The following NIPSNAP3B variants were observed in gnomAD, a reference collection of about 807,000 sequenced individuals.
NIPSNAP3B encodes protein NipSnap homolog 3B.
Under a neutral mutation model 31.5 loss-of-function variants are expected in NIPSNAP3B, and 30 were observed. That is an observed-to-expected ratio of 0.95 (90% confidence interval 0.71 to 1.29). NIPSNAP3B has a LOEUF of 1.29. Ranked by LOEUF, NIPSNAP3B falls within the 50% of genes most tolerant of loss-of-function variation. The pLI is 0.00. For missense variants in NIPSNAP3B, 269 were observed against 300.7 expected, an observed-to-expected ratio of 0.89 and a Z score of 0.78; for synonymous variants, 106 against 107.9, an observed-to-expected ratio of 0.98 and a Z score of 0.11.
At chr9:104,788,351 C>T in the NIPSNAP3B span, 3,273 of 1,598,568 alleles carry the variant, frequency 2.0e-3, 42 homozygotes, top group African/African-American at 0.029. Flanking sequence ...GAAGTCAATG[C>T]GTGTGGAAAA....
intron 4 of NIPSNAP3B, among the ~76,000 whole-genome samples, chr9:104,771,536 A>G (rs1588168793): frequency 1.3e-5 from 2 of 152,324 alleles, no homozygotes; most frequent in South Asian, 2.1e-4. Context: ...TGTTCCCACA[A>G]AAGTTATAAT....
At chr9:104,764,860 T>C (rs547794521) in intron 1 of NIPSNAP3B, among the ~76,000 whole-genome samples, 34 of 152,306 alleles carry the variant, frequency 2.2e-4, no homozygotes, top group Middle Eastern at 6.8e-3. Context: ...GCCAGCTGTT[T>C]CTAGCCTAAA....
chr9:104,786,206 C>CT, the NIPSNAP3B span: 2 of 1,112,108 alleles, frequency 1.8e-6, no homozygotes, highest in Non-Finnish European at 2.7e-6. Context: ...TTTTATTTCC[C>CT]TTTATGTTAG....
At chr9:104,787,175 G>T in the NIPSNAP3B span, among the ~76,000 whole-genome samples, 1,113 of 152,204 alleles carry the variant, frequency 7.3e-3, 16 homozygotes, top group African/African-American at 0.025. Context: ...TCTTATTGAT[G>T]CAGGAAACTC....
At position 104,766,442 on chromosome 9, in the gene NIPSNAP3B, A is replaced by G; in HGVS notation, c.178A>G (p.Ile60Val). The G allele has an allele frequency of 3.1e-6, 5 of 1,613,852 alleles. No homozygotes were observed. The highest frequency in any genetic ancestry group is 1.7e-4 in the Middle Eastern group (1 of 6,056). The part of the protein sequence containing the change: ...NAFMENLKKN[I>V]HLRTSYSELV... ...GTTCATGGAAAATCTTAAGAAAAAC[A>G]TTCATCTTCGGACCTCTTACTCTGA... The change falls in exon 2 of 6, where the codon ATT becomes GTT. Residue 60 changes from isoleucine (I) to valine (V), a missense_variant. Ile to Val is a conservative substitution (Grantham distance 29, BLOSUM62 3). Transcript: ENST00000374762.
the NIPSNAP3B span, chr9:104,787,012 G>A: frequency 1.5e-5 from 24 of 1,557,438 alleles, no homozygotes; most frequent in South Asian, 2.0e-4. Context: ...ATTTGCTGGG[G>A]GGAAAAAAAA....
chr9:104,773,110 C>A lies in NIPSNAP3B; in HGVS notation c.*37C>A, dbSNP rs1248456840. The A allele has an allele frequency of 1.9e-6, 3 of 1,585,354 alleles. No individual in the cohort carries two copies. Among genetic ancestry groups the A allele is most frequent in the Admixed American group, 1.7e-5 (1 of 59,820 alleles). Reference sequence around the variant, plus strand: ...AATACAAAACATTTCATTAACTGCTCTAAGATGTGTCTGCTAATGGTGCTT... The same window carrying A: ...AATACAAAACATTTCATTAACTGCTATAAGATGTGTCTGCTAATGGTGCTT... On this transcript the variant is annotated 3_prime_UTR_variant, in exon 6 of 6. Coordinates refer to ENST00000374762, the MANE Select transcript of NIPSNAP3B (RefSeq NM_018376.4).
chr9:104,785,451 C>T, the NIPSNAP3B span: 1 of 1,514,310 alleles, frequency 6.6e-7, no homozygotes, highest in Non-Finnish European at 9.0e-7. Flanking sequence ...TCGCTTTTTG[C>T]TCTGGGAGAG....
At chr9:104,783,577 C>T in the NIPSNAP3B span, 1 of 152,176 alleles carries the variant, frequency 6.6e-6, no homozygotes, top group Non-Finnish European at 1.5e-5. Flanking sequence ...ACCCATGGCT[C>T]GAAGCATAGG....
intron 4 of NIPSNAP3B, among the ~76,000 whole-genome samples, chr9:104,772,142 G>A (rs568991381): frequency 4.7e-5 from 7 of 149,112 alleles, no homozygotes; most frequent in Non-Finnish European, 3.0e-5. Flanking sequence ...TGTCAGATGC[G>A]TAGTTTGCAA....
chr9:104,790,065 C>A, the NIPSNAP3B span, among the ~76,000 whole-genome samples: 1 of 150,566 alleles, frequency 6.6e-6, no homozygotes, highest in African/African-American at 2.5e-5. Context: ...CATTGCTCTC[C>A]AGCCTGGGCA....
rs1010881280 is a variant in NIPSNAP3B at position 104,764,316 on chromosome 9, G to A, written c.60+16G>A. The stretch of plus-strand genomic sequence containing the variant: ...CGCGCCTCAGGTACTGGCCGCGGGG[G>A]CGCGCCCGAGCCCTGGCCGGAGGGG... On this transcript the variant is annotated intron_variant, in intron 1 of 5. Coordinates refer to ENST00000374762, the MANE Select transcript of NIPSNAP3B (RefSeq NM_018376.4). 28 of 1,569,054 alleles carry A rather than the reference G, an allele frequency of 1.8e-5. 1 individual carries two copies. The highest frequency in any genetic ancestry group is 1.8e-4 in the African/African-American group (13 of 73,708).
At chr9:104,772,675 C>G (rs1173352544) in intron 4 of NIPSNAP3B, 147 bp from the exon 5 acceptor site, 4 of 939,330 alleles carry the variant, frequency 4.3e-6, no homozygotes, top group Non-Finnish European at 6.5e-6. Context: ...AATTTCTGAT[C>G]CCTCTGAAAT....
the NIPSNAP3B span, chr9:104,787,996 C>T: frequency 2.5e-6 from 4 of 1,614,166 alleles, no homozygotes; most frequent in Non-Finnish European, 2.5e-6. Flanking sequence ...ACTATAGTTA[C>T]CAGCATATTT....
At chr9:104,786,867 A>T in the NIPSNAP3B span, 1 of 1,610,714 alleles carries the variant, frequency 6.2e-7, no homozygotes, top group Non-Finnish European at 8.5e-7. Flanking sequence ...AGACTTTACT[A>T]CGGACCTATG....
chr9:104,782,973 C>A, the NIPSNAP3B span: 1 of 152,598 alleles, frequency 6.6e-6, no homozygotes, highest in South Asian at 2.1e-4. Context: ...GACTTAATAT[C>A]TCTCTAGTCT....
In NIPSNAP3B at chr9:104,773,521, T is replaced by G. The variant is rs1384806194; in HGVS notation, c.*448T>G. The G allele has an allele frequency of 6.5e-6, 1 of 153,228 alleles. No individual in the cohort carries two copies. Among genetic ancestry groups the G allele is most frequent in the African/African-American group, 2.4e-5 (1 of 41,478 alleles). 9.5% of individuals were successfully genotyped at this position (153,228 alleles called of 1,614,324 possible). A position where few individuals can be genotyped will look rare whatever the true frequency, so the allele number is the denominator to read the frequency against. Reference sequence around the variant, plus strand: ...AAAATTTGCTTAGTAAAGGTTATTTTGTGATATAAAATGGGATTTATAAAA... The same window carrying G: ...AAAATTTGCTTAGTAAAGGTTATTTGGTGATATAAAATGGGATTTATAAAA... On this transcript the variant is annotated 3_prime_UTR_variant, in exon 6 of 6. Coordinates refer to ENST00000374762, the MANE Select transcript of NIPSNAP3B (RefSeq NM_018376.4).
the NIPSNAP3B span, chr9:104,786,288 T>C: frequency 8.7e-6 from 14 of 1,607,218 alleles, no homozygotes; most frequent in East Asian, 4.5e-5. Context: ...AAAGAAATTA[T>C]CTTTATTACC....
At chr9:104,764,450 TGG>T (rs1828048222) in intron 1 of NIPSNAP3B, 150 bp downstream of exon 1, 1 of 642,942 alleles carries the variant, frequency 1.6e-6, no homozygotes, top group Non-Finnish European at 2.5e-6. Context: ...TGGAGCCGTC[TGG>T]CGCGCAAGGA....
Sources: allele counts gnomAD v4.1 joint callset (sites outside exome capture counted in the v4.1 genomes callset), GRCh38; gene constraint gnomAD v4.1.1; transcripts MANE v1.5; gene names NCBI Gene and HGNC (gene_info 2026-07-23, HGNC 2026-07-21).